Variants in CTNNA3 observed in about 807,000 individuals in gnomAD.
The protein encoded by CTNNA3 is catenin alpha 3.
A neutral mutation model predicts 95.7 loss-of-function variants in CTNNA3; 76 were observed. The ratio of observed to expected loss-of-function variants is 0.79; its 90% CI spans 0.66 to 0.96. The LOEUF (loss-of-function observed/expected upper bound fraction) is 0.96, where lower values mean the gene tolerates loss of function less well. Ranked by LOEUF, CTNNA3 falls within the 40% of genes least tolerant of loss-of-function variation. The pLI, the probability that CTNNA3 is intolerant of heterozygous loss-of-function variation, is 0.00. For missense variants in CTNNA3, 1,191 were observed against 1,089.8 expected (o/e 1.09, Z -1.31); for synonymous variants, 431 against 374.4 (o/e 1.15, Z -1.74).
At chr10:66,862,652 G>A (rs926455877) in intron 7 of CTNNA3, among the ~76,000 whole-genome samples, 9 of 152,296 alleles carry the variant, frequency 5.9e-5, no homozygotes, top group Admixed American at 4.6e-4. Context: ...AATTACTGGA[G>A]CAGAAAAGGA....
chr10:66,744,657 T>G (rs1323782210), intron 9 of CTNNA3, among the ~76,000 whole-genome samples: 1 of 152,192 alleles, frequency 6.6e-6, no homozygotes, highest in Non-Finnish European at 1.5e-5. Flanking sequence ...AGGATAATGT[T>G]ATTATATAAT....
chr10:66,928,501 G>C (rs766296483), intron 7 of CTNNA3: 10 of 1,512,884 alleles, frequency 6.6e-6, no homozygotes, highest in Non-Finnish European at 8.9e-6. Flanking sequence ...GGAAATAAGT[G>C]GTGCTTTATT....
chr10:66,573,090 T>C (rs1842916833), intron 10 of CTNNA3, among the ~76,000 whole-genome samples: 1 of 152,170 alleles, frequency 6.6e-6, no homozygotes, highest in South Asian at 2.1e-4. Flanking sequence ...AAATGGCTTA[T>C]ATATTGACAT....
chr10:67,559,109 C>T (rs1243171586), intron 3 of CTNNA3, among the ~76,000 whole-genome samples: 2 of 152,158 alleles, frequency 1.3e-5, no homozygotes, highest in East Asian at 3.9e-4. Context: ...CTTAAATGTC[C>T]CTGTCTGACA....
chr10:66,485,650 T>C (rs1839700015), intron 11 of CTNNA3, among the ~76,000 whole-genome samples: 1 of 152,118 alleles, frequency 6.6e-6, no homozygotes, highest in African/African-American at 2.4e-5. Context: ...TTAATATTAT[T>C]AAAATATCCA....
At chr10:67,213,264 G>A (rs1864214003) in intron 6 of CTNNA3, among the ~76,000 whole-genome samples, 1 of 151,282 alleles carries the variant, frequency 6.6e-6, no homozygotes, top group Non-Finnish European at 1.5e-5. Context: ...ATAATATTTA[G>A]TATTTAGTCA....
At position 65,972,719 on chromosome 10, in the gene CTNNA3, T is replaced by C. The variant is rs140483838; in HGVS notation, c.2266-5973A>G. On this transcript the variant is annotated intron_variant, in intron 16 of 17. Coordinates refer to ENST00000433211, the MANE Select transcript of CTNNA3 (RefSeq NM_013266.4). ...ATGACACAAACAAATGGAAAAATCA[T>C]TTCAATTTCATCAACTGGAAGAATG... 1.5e-4 allele frequency among the ~76,000 whole-genome samples: 23 copies of C among 152,196 alleles called. No individual in the cohort carries two copies. The East Asian group carries it at 4.3e-3, about 28-fold the overall frequency.
chr10:67,596,856 A>G (rs1238046614), intron 3 of CTNNA3, among the ~76,000 whole-genome samples: 2 of 152,216 alleles, frequency 1.3e-5, no homozygotes, highest in African/African-American at 4.8e-5. Flanking sequence ...ATCCTCAAAT[A>G]TGTTTTCCAA....
chr10:66,226,415 C>G (rs2089290176), intron 13 of CTNNA3, among the ~76,000 whole-genome samples: 1 of 152,078 alleles, frequency 6.6e-6, no homozygotes, highest in Non-Finnish European at 1.5e-5. Context: ...GTCTATGTGT[C>G]TGTTTTTATA....
At chr10:66,908,846 G>T (rs1846104714) in intron 7 of CTNNA3, among the ~76,000 whole-genome samples, 1 of 152,074 alleles carries the variant, frequency 6.6e-6, no homozygotes, top group South Asian at 2.1e-4. Flanking sequence ...AAGTGTTTAT[G>T]ATATGCCAGA....
chr10:67,484,528 G>C (rs1331950200), intron 5 of CTNNA3, among the ~76,000 whole-genome samples: 1 of 152,076 alleles, frequency 6.6e-6, no homozygotes, highest in Admixed American at 6.6e-5. Flanking sequence ...CTACAGAATG[G>C]GAGAAAATAT....
chr10:66,021,303 G>T (rs539421416), intron 15 of CTNNA3, among the ~76,000 whole-genome samples: 1 of 152,058 alleles, frequency 6.6e-6, no homozygotes, highest in South Asian at 2.1e-4. Context: ...TTTTTAAATG[G>T]CAGAAGAATC....
intron 9 of CTNNA3, among the ~76,000 whole-genome samples, chr10:66,745,835 G>A (rs867653948): frequency 1.3e-5 from 2 of 149,898 alleles, no homozygotes; most frequent in African/African-American, 4.9e-5. Context: ...TCCTGACCTC[G>A]TGATCCGCCT....
chr10:66,177,709 T>G (rs545530518), intron 13 of CTNNA3, among the ~76,000 whole-genome samples: 1 of 152,016 alleles, frequency 6.6e-6, no homozygotes, highest in Non-Finnish European at 1.5e-5. Flanking sequence ...TTCTACTGGG[T>G]ACCTATATAC....
At chr10:66,346,724 A>G (rs1201436045) in intron 12 of CTNNA3, among the ~76,000 whole-genome samples, 1 of 152,130 alleles carries the variant, frequency 6.6e-6, no homozygotes, top group Non-Finnish European at 1.5e-5. Context: ...CTTGATCCTA[A>G]TAACTTACTT....
intron 10 of CTNNA3, among the ~76,000 whole-genome samples, chr10:66,546,181 G>T (rs1842029880): frequency 6.6e-6 from 1 of 151,808 alleles, no homozygotes; most frequent in African/African-American, 2.4e-5. Flanking sequence ...AGCTTATGAA[G>T]ATATTCTACA....
chr10:67,583,647 G>A (rs530632806), intron 3 of CTNNA3, among the ~76,000 whole-genome samples: 106 of 152,200 alleles, frequency 7.0e-4, no homozygotes, highest in African/African-American at 2.2e-3. Context: ...AATATCCTGA[G>A]GAGTGTTTTC....
At chr10:67,614,535 G>T (rs1335963927) in intron 2 of CTNNA3, among the ~76,000 whole-genome samples, 5 of 152,132 alleles carry the variant, frequency 3.3e-5, no homozygotes, top group African/African-American at 1.2e-4. Context: ...TCACAATAAG[G>T]TTCACTTTCC....
At chr10:66,649,046 A>T (rs1309656462) in intron 9 of CTNNA3, among the ~76,000 whole-genome samples, 1 of 152,170 alleles carries the variant, frequency 6.6e-6, no homozygotes, top group Non-Finnish European at 1.5e-5. Flanking sequence ...AAGTAGATTC[A>T]TAGGAAATGG....
Sources: gnomAD v4.1 joint callset for allele counts (sites outside exome capture counted in the v4.1 genomes callset) on GRCh38, gnomAD v4.1.1 for gene constraint, MANE v1.5 for transcripts, NCBI Gene and HGNC (gene_info 2026-07-23, HGNC 2026-07-21) for gene names.